The following MCCC1 variants were observed in gnomAD, a reference collection of about 807,000 sequenced individuals.
MCCC1 encodes the protein methylcrotonyl-CoA carboxylase subunit 1, also known as methylcrotonoyl-CoA carboxylase subunit alpha, mitochondrial.
MCCC1 carries 64 observed loss-of-function variants against 83.8 expected under a neutral mutation model. The ratio of observed to expected loss-of-function variants is 0.76; its 90% confidence interval spans 0.62 to 0.94. The LOEUF (loss-of-function observed/expected upper bound fraction) is 0.94, where lower values mean the gene tolerates loss of function less well. Among genes scored for constraint, MCCC1 ranks in the 40% least tolerant of loss-of-function variants. The pLI, the probability that MCCC1 is intolerant of heterozygous loss-of-function variation, is 0.00. For synonymous variants in MCCC1, 322 were observed against 315.4 expected (o/e 1.02, Z -0.22); for missense variants, 807 against 904.7 (o/e 0.89, Z 1.39).
At chr3:183,089,488 C>T (rs1718156758) in intron 3 of MCCC1, among the ~76,000 whole-genome samples, 1 of 152,070 alleles carries the variant, frequency 6.6e-6, no homozygotes, top group Non-Finnish European at 1.5e-5. Flanking sequence ...GTAGCAAGTG[C>T]CTGTAGTCCC....
chr3:183,052,414 G>A (rs1044256934), intron 8 of MCCC1, among the ~76,000 whole-genome samples, 174 bp from the exon 9 acceptor site: 10 of 152,168 alleles, frequency 6.6e-5, no homozygotes, highest in Admixed American at 5.2e-4. Flanking sequence ...CTATCACCTA[G>A]TGACACTGTA....
chr3:183,101,219 T>G (rs536917688), upstream of MCCC1, among the ~76,000 whole-genome samples: 206 of 152,352 alleles, frequency 1.4e-3, no homozygotes, highest in African/African-American at 4.8e-3. Context: ...GCCTCCCCGA[T>G]GAGCGCCACC....
At chr3:183,047,504 A>T (rs1028362677) in intron 9 of MCCC1, among the ~76,000 whole-genome samples, 1 of 152,246 alleles carries the variant, frequency 6.6e-6, no homozygotes, top group East Asian at 1.9e-4. Flanking sequence ...AGCATCAGGT[A>T]TGGCAGGAAT....
chr3:183,065,108 G>C (rs899681036), intron 7 of MCCC1, among the ~76,000 whole-genome samples: 3 of 152,064 alleles, frequency 2.0e-5, no homozygotes, highest in African/African-American at 7.2e-5. Flanking sequence ...TTCTGTCATA[G>C]AGATGGATAC....
chr3:183,094,716 G>T, intron 1 of MCCC1, 111 bp from the exon 2 acceptor site: 2 of 1,039,368 alleles, frequency 1.9e-6, no homozygotes, highest in Non-Finnish European at 1.5e-6. Context: ...AACTAACAGT[G>T]CTTTAGTAAG....
chr3:183,114,403 T>C (rs1048696136), intron 1 of MCCC1, among the ~76,000 whole-genome samples: 1 of 152,186 alleles, frequency 6.6e-6, no homozygotes, highest in African/African-American at 2.4e-5. Context: ...AAAGGACTTT[T>C]AATTCATCTC....
rs185741664 is a variant in MCCC1 at position 183,057,343 on chromosome 3, G to A, written c.841C>T (p.Arg281Ter). The A allele has an allele frequency of 2.2e-5, 35 of 1,609,548 alleles. No homozygotes were observed. The highest frequency in any genetic ancestry group is 1.7e-4 in the Middle Eastern group (1 of 6,060). Reference protein sequence around the residue: ...LFERDCSVQRRHQKIIEEAPA... With the variant: ...LFERDCSVQR ...GCCTCCTCAATGATCTTCTGATGTC[G>A]CCTCTGCACACTACAGTCTCTTTCA... Residue 281 changes from arginine to a stop codon, truncating the protein, a stop_gained, in exon 8 of 19, where the codon CGA (arginine) becomes TGA (stop). Transcript: ENST00000265594. LOFTEE classifies it high-confidence loss of function.
intron 15 of MCCC1, among the ~76,000 whole-genome samples, chr3:183,023,050 G>C (rs894058246): frequency 1.3e-5 from 2 of 152,146 alleles, no homozygotes; most frequent in Non-Finnish European, 1.5e-5. Context: ...CCCAATCATG[G>C]GTTTCAGTTA....
chr3:183,067,545 C>T (rs1716344633), intron 7 of MCCC1, among the ~76,000 whole-genome samples: 2 of 152,180 alleles, frequency 1.3e-5, no homozygotes, highest in South Asian at 4.1e-4. Flanking sequence ...AACTATGGCA[C>T]ATTTGTTATT....
intron 4 of MCCC1, among the ~76,000 whole-genome samples, chr3:183,079,053 G>A (rs976929781): frequency 3.3e-5 from 5 of 152,160 alleles, no homozygotes; most frequent in Admixed American, 6.5e-5. Context: ...TTCCTCCCAC[G>A]ATACATGAGA....
intron 10 of MCCC1, among the ~76,000 whole-genome samples, chr3:183,043,896 T>G (rs1177417828): frequency 6.6e-6 from 1 of 152,230 alleles, no homozygotes; most frequent in African/African-American, 2.4e-5. Context: ...TCCTTTTCCT[T>G]GAATTCTGGA....
At chr3:183,090,338 A>ACCCAT (rs1488648913) in intron 3 of MCCC1, among the ~76,000 whole-genome samples, 2 of 152,166 alleles carry the variant, frequency 1.3e-5, no homozygotes, top group African/African-American at 4.8e-5. Context: ...GTGGTTGAAG[A>ACCCAT]CCCATCATTG....
intron 4 of MCCC1, among the ~76,000 whole-genome samples, chr3:183,073,174 A>G (rs1383884204): frequency 1.3e-5 from 2 of 152,216 alleles, no homozygotes; most frequent in East Asian, 3.8e-4. Flanking sequence ...CCTGCTTTAA[A>G]TTCTTCTAGC....
chr3:183,023,845 GTCT>G (rs1712358188), intron 15 of MCCC1, among the ~76,000 whole-genome samples: 1 of 151,910 alleles, frequency 6.6e-6, no homozygotes, highest in South Asian at 2.1e-4. Context: ...CAATGTAATG[GTCT>G]TCTTCTAATT....
In MCCC1 at chr3:183,034,031, G is replaced by A; in HGVS notation, c.1641C>T (p.Ile547=). Reference sequence around the variant, plus strand: ...TAAGAGTCATGTTTCTGGTATACGAGATATTCAGTCTTCTTCCACTGCTAG... The same window carrying A: ...TAAGAGTCATGTTTCTGGTATACGAAATATTCAGTCTTCTTCCACTGCTAG... The part of the protein sequence containing the change: ...FSSSSGRRLN[I]SYTRNMTLKD... Residue 547 remains isoleucine, a synonymous_variant, in exon 14 of 19, where the codon ATC becomes ATT. Coordinates refer to ENST00000265594, the MANE Select transcript of MCCC1 (RefSeq NM_020166.5). The A allele has an allele frequency of 6.2e-7, 1 of 1,611,950 alleles. No homozygotes were observed. Among genetic ancestry groups the A allele is most frequent in the Non-Finnish European group, 8.5e-7 (1 of 1,178,924 alleles).
intron 14 of MCCC1, among the ~76,000 whole-genome samples, chr3:183,028,540 C>T (rs1207371519): frequency 6.6e-6 from 1 of 152,210 alleles, no homozygotes; most frequent in Non-Finnish European, 1.5e-5. Flanking sequence ...AAACCTTCTA[C>T]ATGCCATTAA....
intron 11 of MCCC1, among the ~76,000 whole-genome samples, chr3:183,040,979 A>G (rs1340337162): frequency 6.6e-6 from 1 of 152,186 alleles, no homozygotes; most frequent in Non-Finnish European, 1.5e-5. Context: ...TTCCTCATCT[A>G]GAAAACAGGG....
chr3:183,043,167 G>A (rs1052437712), intron 10 of MCCC1, among the ~76,000 whole-genome samples: 1 of 152,340 alleles, frequency 6.6e-6, no homozygotes, highest in East Asian at 1.9e-4. Context: ...GCACACGCCT[G>A]TAATCCCAGC....
At chr3:183,031,409 T>C (rs1713058474) in intron 14 of MCCC1, among the ~76,000 whole-genome samples, 1 of 151,902 alleles carries the variant, frequency 6.6e-6, no homozygotes, top group South Asian at 2.1e-4. Context: ...CTTGCAAGCC[T>C]TGAATACTTA....
Sources: gnomAD v4.1 joint callset for allele counts (sites outside exome capture counted in the v4.1 genomes callset) on GRCh38, gnomAD v4.1.1 for gene constraint, MANE v1.5 for transcripts, NCBI Gene and HGNC (gene_info 2026-07-23, HGNC 2026-07-21) for gene names.